PRELP: variants seen among roughly 807,000 people sequenced by gnomAD.
PRELP encodes the protein prolargin.
A neutral mutation model predicts 22.8 loss-of-function variants in PRELP; 16 were observed. The ratio of observed to expected loss-of-function variants is 0.70; its 90% CI spans 0.47 to 1.06. The LOEUF is 1.06. Among genes scored for constraint, PRELP ranks in the 50% least tolerant of loss-of-function variants. The pLI is 0.00. For synonymous variants in PRELP, 233 were observed against 211.4 expected, an observed-to-expected ratio of 1.10 and a Z score of -0.89; for missense variants, 434 against 485.2, an observed-to-expected ratio of 0.89 and a Z score of 0.99.
At chr1:203,479,199 T>C (rs971909458) in intron 1 of PRELP, among the ~76,000 whole-genome samples, 2 of 152,106 alleles carry the variant, frequency 1.3e-5, no homozygotes, top group East Asian at 3.9e-4. Context: ...TAGCCCTGCC[T>C]AGCCCTGGGA....
At chr1:203,478,635 A>T (rs1476130404) in intron 1 of PRELP, among the ~76,000 whole-genome samples, 1 of 152,198 alleles carries the variant, frequency 6.6e-6, no homozygotes, top group African/African-American at 2.4e-5. Context: ...TTTTACAGAT[A>T]AGAAAACTGA....
In PRELP at chr1:203,488,210, C is replaced by G. The variant is rs1039901469; in HGVS notation, c.*1329C>G. 1.3e-5 allele frequency: 2 copies of G among 152,322 alleles called. No individual in the cohort carries two copies. The highest frequency in any genetic ancestry group is 4.8e-5 in the African/African-American group (2 of 41,430). 9.4% of individuals were successfully genotyped at this position (152,322 alleles called of 1,614,324 possible). ...CTTCTCAGCTCCCTCATCTGTAAAC[C>G]GAGGAGGTGGATAAGATGCTCCCGG... is the stretch of plus-strand genomic sequence containing the variant. On this transcript the variant is annotated 3_prime_UTR_variant, in exon 3 of 3. Coordinates refer to ENST00000343110, the MANE Select transcript of PRELP (RefSeq NM_002725.4).
chr1:203,480,703 A>C (rs1048979537), intron 1 of PRELP, among the ~76,000 whole-genome samples: 2 of 152,204 alleles, frequency 1.3e-5, no homozygotes, highest in Non-Finnish European at 2.9e-5. Context: ...GGCTGAGGGA[A>C]GGGGAGGAGA....
At chr1:203,478,566 C>T (rs1200752997) in intron 1 of PRELP, among the ~76,000 whole-genome samples, 2 of 152,168 alleles carry the variant, frequency 1.3e-5, no homozygotes, top group African/African-American at 4.8e-5. Context: ...CTGCTAACTG[C>T]ACTTGCTTCT....
At chr1:203,477,131 G>A (rs1293041431) in intron 1 of PRELP, among the ~76,000 whole-genome samples, 1 of 152,086 alleles carries the variant, frequency 6.6e-6, no homozygotes, top group Non-Finnish European at 1.5e-5. Context: ...TGGAGAGGGA[G>A]GAGTGTGGAG....
chr1:203,484,211 C>T, intron 2 of PRELP, 54 bp downstream of exon 2: 1 of 1,576,108 alleles, frequency 6.3e-7, no homozygotes, highest in Non-Finnish European at 8.6e-7. Flanking sequence ...GCTTGTGTAG[C>T]ACTTCCACCC....
In PRELP at chr1:203,483,775, GC is replaced by G. The variant is rs1661049455; in HGVS notation, c.592del (p.Leu198CysfsTer10). The G allele has an allele frequency of 1.2e-6, 2 of 1,614,090 alleles. No individual in the cohort carries two copies. The highest frequency in any genetic ancestry group is 1.3e-5 in the African/African-American group (1 of 74,922). ...GTGTCTTCAGCAAGCTGGAGAACCT[GC>G]TGCTCCTGGATCTCCAGCACAACAG... ...PGVFSKLENL[L>X]LLDLQHNRLS... On this transcript the variant is annotated frameshift_variant, in exon 2 of 3. Coordinates refer to ENST00000343110, the MANE Select transcript of PRELP (RefSeq NM_002725.4). LOFTEE classifies it high-confidence loss of function. This position sits in a 1 kb window ranked among gnomAD's most constrained non-coding sequence, Gnocchi z 4.4.
At chr1:203,478,641 A>T (rs1375647086) in intron 1 of PRELP, among the ~76,000 whole-genome samples, 1 of 152,172 alleles carries the variant, frequency 6.6e-6, no homozygotes, top group Non-Finnish European at 1.5e-5. Context: ...AGATAAGAAA[A>T]CTGAGGCCCA....
Position 203,487,839 on chromosome 1 carries a change from AGAAACAGG to A in PRELP, c.*961_*968del, listed in dbSNP as rs1183649976. The A allele has an allele frequency of 6.6e-6, 1 of 152,154 alleles. No individual in the cohort carries two copies. The highest frequency in any genetic ancestry group is 1.5e-5 in the Non-Finnish European group (1 of 68,016). The allele number at this position is 152,154 out of a possible 1,614,324, so 9.4% of individuals were successfully genotyped here. A position where few individuals can be genotyped will look rare whatever the true frequency, so the allele number is the denominator to read the frequency against. ...TTCCACCCTCGGGAGGCGGCTCCTGAGAAACAGGGAGGAAGGGGCGGAGCACCTGGACG... is the reference window on the plus strand; with the variant it reads ...TTCCACCCTCGGGAGGCGGCTCCTGAGAGGAAGGGGCGGAGCACCTGGACG... On this transcript the variant is annotated 3_prime_UTR_variant, in exon 3 of 3. Coordinates refer to ENST00000343110, the MANE Select transcript of PRELP (RefSeq NM_002725.4).
rs922001747 is a variant in PRELP at position 203,483,835 on chromosome 1, C to T, written c.651C>T (p.Phe217=). The T allele has an allele frequency of 6.2e-7, 1 of 1,614,152 alleles. No individual in the cohort carries two copies. Among genetic ancestry groups the T allele is most frequent in the Non-Finnish European group, 8.5e-7 (1 of 1,179,978 alleles). ...LSDGVFKPDT[F]HGLKNLMQLN... ...ACGGCGTCTTCAAGCCCGACACCTT[C>T]CATGGCCTCAAGAACCTCATGCAGC... Residue 217 remains phenylalanine, a synonymous_variant, in exon 2 of 3, where the codon TTC becomes TTT. Transcript: ENST00000343110. This position sits in a 1 kb window ranked among gnomAD's most constrained non-coding sequence, Gnocchi z 4.4.
intron 2 of PRELP, 69 bp downstream of exon 2, chr1:203,484,226 T>C: frequency 6.4e-7 from 1 of 1,554,580 alleles, no homozygotes. Flanking sequence ...CCACCCTCTC[T>C]AGGGAGACTC....
intron 2 of PRELP, 83 bp downstream of exon 2, chr1:203,484,240 G>C (rs1661059149): frequency 2.6e-6 from 4 of 1,523,708 alleles, no homozygotes; most frequent in Non-Finnish European, 3.5e-6. Context: ...GAGACTCAGG[G>C]TGGGGTGGTA....
rs570523733 is a variant in PRELP at position 203,482,649 on chromosome 1, G to C, written c.-16-520G>C. ...GTCTCACTCTGTCACCCAGGCTGGAGTGCAGTGGTGCAATCTCGGCTCACT... is the reference window on the plus strand; with the variant it reads ...GTCTCACTCTGTCACCCAGGCTGGACTGCAGTGGTGCAATCTCGGCTCACT... On this transcript the variant is annotated intron_variant, in intron 1 of 2. Coordinates refer to ENST00000343110, the MANE Select transcript of PRELP (RefSeq NM_002725.4). 6.0e-5 allele frequency among the ~76,000 whole-genome samples: 8 copies of C among 133,764 alleles called. No individual in the cohort carries two copies. In the East Asian group the frequency reaches 1.8e-3, roughly 31 times the overall value. 87.8% of individuals were successfully genotyped at this position (133,764 alleles called of 152,430 possible). A position where few individuals can be genotyped will look rare whatever the true frequency, so the allele number is the denominator to read the frequency against.
Position 203,483,257 on chromosome 1 carries a change from C to T in PRELP, c.73C>T (p.Arg25Ter), listed in dbSNP as rs769225317. The change falls in exon 2 of 3, where the codon CGA (arginine) becomes TGA (stop). Residue 25 changes from arginine to a stop codon, truncating the protein, a stop_gained. Transcript: ENST00000343110. LOFTEE classifies it high-confidence loss of function. This position sits in a 1 kb window ranked among gnomAD's most constrained non-coding sequence, Gnocchi z 4.4. ...ASVAQGQPTRRPRPGTGPGRR... is the reference protein window; with the variant it reads ...ASVAQGQPTR ...AGTGGCCCAAGGCCAGCCAACAAGA[C>T]GACCAAGACCCGGGACTGGGCCCGG... 61 of 1,599,648 alleles carry T rather than the reference C, an allele frequency of 3.8e-5. No individual in the cohort carries two copies. Among genetic ancestry groups the T allele is most frequent in the Admixed American group, 7.2e-5 (4 of 55,838 alleles).
At position 203,488,824 on chromosome 1, in the gene PRELP, G is replaced by A. The variant is rs562864922; in HGVS notation, c.*1943G>A. On this transcript the variant is annotated 3_prime_UTR_variant, in exon 3 of 3. Transcript: ENST00000343110. ...ATGCTGCCCCTTCTCAGCCCCCTGC[G>A]TGTGTATATTGGTGGGAGGCATAGA... The A allele has an allele frequency of 3.3e-5, 5 of 152,264 alleles. No homozygotes were observed. The highest frequency in any genetic ancestry group is 9.6e-5 in the African/African-American group (4 of 41,522). 9.4% of individuals were successfully genotyped at this position (152,264 alleles called of 1,614,324 possible).
At chr1:203,485,388 C>A (rs1388885755) in intron 2 of PRELP, among the ~76,000 whole-genome samples, 2 of 152,190 alleles carry the variant, frequency 1.3e-5, no homozygotes, top group Non-Finnish European at 2.9e-5. Flanking sequence ...TCACACCTCA[C>A]CCACATGAGC....
At position 203,486,891 on chromosome 1, in the gene PRELP, C is replaced by G. The variant is rs772323178; in HGVS notation, c.*10C>G. 1 of 1,609,060 alleles carries G rather than the reference C, an allele frequency of 6.2e-7. No homozygotes were observed. Among genetic ancestry groups the G allele is most frequent in the Admixed American group, 1.7e-5 (1 of 59,672 alleles). On this transcript the variant is annotated 3_prime_UTR_variant, in exon 3 of 3. Transcript: ENST00000343110. ...GTCCGTGGTCATCTAGGCCCTACTC[C>G]GCCACCGGATCTGCTCTGACCGCAC...
intron 2 of PRELP, among the ~76,000 whole-genome samples, chr1:203,484,861 C>T (rs1286169331): frequency 6.6e-6 from 1 of 152,154 alleles, no homozygotes; most frequent in Non-Finnish European, 1.5e-5. Context: ...TGCAGTTTTG[C>T]TTCAATCAAA....
In PRELP at chr1:203,488,679, C is replaced by G. The variant is rs938115812; in HGVS notation, c.*1798C>G. On this transcript the variant is annotated 3_prime_UTR_variant, in exon 3 of 3. Coordinates refer to ENST00000343110, the MANE Select transcript of PRELP (RefSeq NM_002725.4). ...TTTTCTGTATGGACTGTCCCTCCCC[C>G]AGAGGCTTCCCCACCCTCCATTGCC... The G allele has an allele frequency of 2.6e-5, 4 of 152,230 alleles. No individual in the cohort carries two copies. The highest frequency in any genetic ancestry group is 9.6e-5 in the African/African-American group (4 of 41,452). The allele number at this position is 152,230 out of a possible 1,614,324, so 9.4% of individuals were successfully genotyped here. A position where few individuals can be genotyped will look rare whatever the true frequency, so the allele number is the denominator to read the frequency against.
Sources: gnomAD v4.1 joint callset for allele counts (sites outside exome capture counted in the v4.1 genomes callset) on GRCh38, gnomAD v4.1.1 for gene constraint, Gnocchi (gnomAD v3.1) non-coding constraint, MANE v1.5 for transcripts, NCBI Gene and HGNC (gene_info 2026-07-23, HGNC 2026-07-21) for gene names.